The following NDUFAF7 variants were observed in gnomAD, a reference collection of about 807,000 sequenced individuals.
The protein encoded by NDUFAF7 is NADH:ubiquinone oxidoreductase complex assembly factor 7, also known as protein arginine methyltransferase NDUFAF7, mitochondrial.
A neutral mutation model predicts 47.2 loss-of-function variants in NDUFAF7; 48 were observed. The observed-to-expected ratio is 1.02, with a 90% CI of 0.81 to 1.29. The LOEUF is 1.29. Ranked by LOEUF, NDUFAF7 falls within the 50% of genes most tolerant of loss-of-function variation. The probability of loss-of-function intolerance (pLI) is 0.00; values close to 1 mark genes in which losing one functional copy is unlikely to be tolerated. For missense variants in NDUFAF7, 635 were observed against 537.6 expected, an observed-to-expected ratio of 1.18 and a Z score of -1.79; for synonymous variants, 217 against 190.0, an observed-to-expected ratio of 1.14 and a Z score of -1.17.
At chr2:37,233,360 C>T (rs1665391904) in intron 2 of NDUFAF7, among the ~76,000 whole-genome samples, 1 of 152,150 alleles carries the variant, frequency 6.6e-6, no homozygotes, top group African/African-American at 2.4e-5. Context: ...CCGGACGTGG[C>T]GGCTCACGCC....
intron 5 of NDUFAF7, chr2:37,242,062 A>G: frequency 2.1e-6 from 1 of 478,238 alleles, no homozygotes; most frequent in Non-Finnish European, 3.7e-6. Context: ...CCCTATAGCT[A>G]GGGTTGTACC....
intron 3 of NDUFAF7, among the ~76,000 whole-genome samples, chr2:37,236,975 TTATC>T (rs1384647210): frequency 2.0e-5 from 3 of 152,082 alleles, no homozygotes; most frequent in Admixed American, 6.6e-5. Context: ...CTTCTTTTAT[TTATC>T]TATTTTTTGA....
downstream of NDUFAF7, chr2:37,252,948 G>A (rs1041301919): frequency 2.3e-5 from 8 of 348,686 alleles, no homozygotes; most frequent in African/African-American, 1.7e-4. Flanking sequence ...TATTGCTTAG[G>A]CTAAAAAAGT....
chr2:37,235,934 A>T (rs1665706549), intron 2 of NDUFAF7, among the ~76,000 whole-genome samples, 162 bp from the exon 3 acceptor site: 1 of 152,192 alleles, frequency 6.6e-6, no homozygotes, highest in Admixed American at 6.5e-5. Context: ...CTGGGATTAC[A>T]GGCATGAGCC....
chr2:37,246,057 C>T lies in NDUFAF7; in HGVS notation c.798C>T (p.Asp266=), dbSNP rs764984342. 79 of 1,613,566 alleles carry T rather than the reference C, an allele frequency of 4.9e-5. No individual in the cohort carries two copies. Among genetic ancestry groups the T allele is most frequent in the South Asian group, 1.5e-4 (14 of 91,066 alleles). Residue 266 remains aspartate (D), a synonymous_variant, in exon 8 of 10, where the codon GAC becomes GAT. Coordinates refer to ENST00000002125, the MANE Select transcript of NDUFAF7 (RefSeq NM_144736.5). ...TGCAATGATCCCTTTACTAGCATGA[C>T]GAAACAAGGGATCATGTTGAAGTGT... is the stretch of plus-strand genomic sequence containing the variant. ...ATPAEAFIQH[D]ETRDHVEVCP...
At chr2:37,269,591 A>G in the NDUFAF7 span, 1 of 1,582,326 alleles carries the variant, frequency 6.3e-7, no homozygotes. Context: ...TGTGTACAAT[A>G]TGCAAACGGC....
At chr2:37,232,401 T>C in intron 2 of NDUFAF7, 135 bp downstream of exon 2, 1 of 1,159,698 alleles carries the variant, frequency 8.6e-7, no homozygotes, top group Non-Finnish European at 1.3e-6. Context: ...TCTGAGGACC[T>C]GGGGACAGAT....
chr2:37,247,598 T>A lies in NDUFAF7; in HGVS notation c.1079T>A (p.Leu360Ter), dbSNP rs1192310737. 16 of 1,613,904 alleles carry A rather than the reference T, an allele frequency of 9.9e-6. No homozygotes were observed. The highest frequency in any genetic ancestry group is 6.7e-5 in the East Asian group (3 of 44,886). The change falls in exon 9 of 10, where the codon TTA becomes TAA. Residue 360 changes from leucine (L) to a stop codon, truncating the protein, a stop_gained. Transcript: ENST00000002125. LOFTEE classifies it high-confidence loss of function. ...SLGPIKQHTFLKNMGIDVRLK... is the reference protein window; with the variant it reads ...SLGPIKQHTF ...GGCCCAATAAAACAACACACATTTT[T>A]AAAAAATATGGGTATTGATGTCCGG... is the stretch of plus-strand genomic sequence containing the variant.
intron 9 of NDUFAF7, 45 bp downstream of exon 9, chr2:37,247,674 T>C (rs776774613): frequency 1.7e-5 from 27 of 1,601,512 alleles, no homozygotes; most frequent in Non-Finnish European, 2.2e-5. Flanking sequence ...TTTCATAGTA[T>C]TTCAAAAATT....
the NDUFAF7 span, chr2:37,269,584 G>A: frequency 5.7e-6 from 9 of 1,567,290 alleles, no homozygotes; most frequent in African/African-American, 1.4e-5. Context: ...AAAATAATGT[G>A]TACAATATGC....
Position 37,248,575 on chromosome 2 carries a change from CCTTT to C in NDUFAF7, c.*226_*229del, listed in dbSNP as rs1362710532. The C allele has an allele frequency of 1.1e-5, 6 of 552,176 alleles. No homozygotes were observed. Among genetic ancestry groups the C allele is most frequent in the African/African-American group, 9.5e-5 (5 of 52,770 alleles). 34.2% of individuals were successfully genotyped at this position (552,176 alleles called of 1,614,324 possible). Reference sequence around the variant, plus strand: ...AATAAGTTATTGTGAAACTGAGTTTCCTTTAACTTACAAAGCTAGTTGCCATATT... The same window carrying C: ...AATAAGTTATTGTGAAACTGAGTTTCAACTTACAAAGCTAGTTGCCATATT... On this transcript the variant is annotated 3_prime_UTR_variant, in exon 10 of 10. Coordinates refer to ENST00000002125, the MANE Select transcript of NDUFAF7 (RefSeq NM_144736.5).
chr2:37,234,622 T>C (rs912392754), intron 2 of NDUFAF7, among the ~76,000 whole-genome samples: 8 of 152,102 alleles, frequency 5.3e-5, no homozygotes, highest in African/African-American at 1.9e-4. Flanking sequence ...AGAAGAGATG[T>C]GTGGATTGAA....
At chr2:37,252,564 A>ATTCCTAACCTT (rs1667580328), downstream of NDUFAF7, 1 of 152,152 alleles carries the variant, frequency 6.6e-6, no homozygotes, top group African/African-American at 2.4e-5. Context: ...AGGAATCACT[A>ATTCCTAACCTT]TTTTGGAGTC....
chr2:37,260,423 G>A, the NDUFAF7 span: 7 of 1,552,504 alleles, frequency 4.5e-6, no homozygotes, highest in Non-Finnish European at 6.2e-6. Flanking sequence ...AACTTAAGCA[G>A]AGAAACAGTT....
the NDUFAF7 span, chr2:37,268,040 T>C: frequency 5.0e-5 from 10 of 198,140 alleles, no homozygotes; most frequent in South Asian, 7.4e-4. Context: ...TTTATTATAA[T>C]GAACAGTCAT....
rs1271933608 is a variant in NDUFAF7 at position 37,247,570 on chromosome 2, C to G, written c.1051C>G (p.Leu351Val). Residue 351 changes from leucine (L) to valine (V), a missense_variant, in exon 9 of 10, where the codon CTG (leucine) becomes GTG (valine). By Grantham distance (32) the Leu-to-Val change is conservative. Transcript: ENST00000002125. The stretch of plus-strand genomic sequence containing the variant: ...AATGGCACAGGGAAAAGTAGCCTCT[C>G]TGGGCCCAATAAAACAACACACATT... ...RRMAQGKVAS[L>V]GPIKQHTFLK... is the part of the protein sequence containing the mutation. The G allele has an allele frequency of 1.2e-6, 2 of 1,613,942 alleles. No individual in the cohort carries two copies. The highest frequency in any genetic ancestry group is 2.7e-5 in the African/African-American group (2 of 74,892).
At chr2:37,238,867 C>A (rs937270466) in intron 4 of NDUFAF7, among the ~76,000 whole-genome samples, 1 of 146,816 alleles carries the variant, frequency 6.8e-6, no homozygotes, top group African/African-American at 2.5e-5. Context: ...GTGAACAAGT[C>A]CATTCATAAA....
downstream of NDUFAF7, chr2:37,253,050 A>C: frequency 1.0e-6 from 1 of 969,112 alleles, no homozygotes; most frequent in Non-Finnish European, 1.5e-6. Context: ...TACTGGTGTC[A>C]CTTATTCGTT....
chr2:37,270,132 C>T, the NDUFAF7 span, among the ~76,000 whole-genome samples: 3 of 151,878 alleles, frequency 2.0e-5, no homozygotes, highest in Admixed American at 2.0e-4. Context: ...GAGGCTGAGG[C>T]AGGAGAATCG....
Sources: gnomAD v4.1 joint callset for allele counts (sites outside exome capture counted in the v4.1 genomes callset) on GRCh38, gnomAD v4.1.1 for gene constraint, MANE v1.5 for transcripts, NCBI Gene and HGNC (gene_info 2026-07-23, HGNC 2026-07-21) for gene names.